Variants in PROM1 observed in about 807,000 individuals in gnomAD.
PROM1 encodes the protein prominin-1.
In PROM1, 105 loss-of-function variants were observed where a neutral mutation model predicts 116.9. That is an observed-to-expected ratio of 0.90 (90% CI 0.77 to 1.06). The LOEUF (loss-of-function observed/expected upper bound fraction) is 1.06. Ranked by LOEUF, PROM1 falls within the 50% of genes least tolerant of loss-of-function variation. The pLI, the probability that PROM1 is intolerant of heterozygous loss-of-function variation, is 0.00. For synonymous variants in PROM1, 393 were observed against 387.0 expected (o/e 1.02, Z -0.18); for missense variants, 1,122 against 1,045.2 (o/e 1.07, Z -1.01).
intron 4 of PROM1, among the ~76,000 whole-genome samples, chr4:16,035,184 A>T (rs1733685728): frequency 6.6e-6 from 1 of 152,230 alleles, no homozygotes; most frequent in Non-Finnish European, 1.5e-5. Flanking sequence ...TCGAGGACCA[A>T]TACCACTTGT....
chr4:15,988,894 G>C (rs1382919927), intron 19 of PROM1, among the ~76,000 whole-genome samples: 1 of 152,206 alleles, frequency 6.6e-6, no homozygotes, highest in African/African-American at 2.4e-5. Flanking sequence ...GGGAAGTTTA[G>C]TGGTTGGGAT....
At chr4:15,985,644 C>T in intron 22 of PROM1, 116 bp downstream of exon 22, 1 of 849,914 alleles carries the variant, frequency 1.2e-6, no homozygotes, top group African/African-American at 1.7e-5. Context: ...TGTCCTTTCA[C>T]TTACTTCCTA....
At chr4:16,033,265 C>T in intron 5 of PROM1, 39 bp downstream of exon 5, 1 of 1,537,940 alleles carries the variant, frequency 6.5e-7, no homozygotes, top group Non-Finnish European at 8.9e-7. Flanking sequence ...TCTTCATCAG[C>T]CTAAAACACA....
At chr4:15,981,504 G>A (rs921073375) in intron 23 of PROM1, among the ~76,000 whole-genome samples, 8 of 151,656 alleles carry the variant, frequency 5.3e-5, no homozygotes, top group South Asian at 2.1e-4. Flanking sequence ...CCCAGGAGGC[G>A]GAGGTTGCAG....
rs371884800 is a variant in PROM1, at chr4:15,991,205, G to A, written c.1983+17C>T. On this transcript the variant is annotated intron_variant, in intron 18 of 27. Transcript: ENST00000447510. ...TCTACAACTACTACAGTATTTAACC[G>A]GACGATTTGAACTCACCAAACTGTT... 116 of 1,593,948 alleles carry A rather than the reference G, an allele frequency of 7.3e-5. No homozygotes were observed. The African/African-American group carries it at 1.1e-3, about 15-fold the overall frequency.
At chr4:16,027,072 G>T (rs1312033630) in intron 5 of PROM1, among the ~76,000 whole-genome samples, 1 of 152,108 alleles carries the variant, frequency 6.6e-6, no homozygotes, top group Non-Finnish European at 1.5e-5. Context: ...GGATGTACAC[G>T]TTCTCTAAGA....
chr4:16,050,496 G>A (rs1281568346), intron 2 of PROM1, among the ~76,000 whole-genome samples: 1 of 152,102 alleles, frequency 6.6e-6, no homozygotes, highest in Admixed American at 6.5e-5. Flanking sequence ...TGGGACTACC[G>A]TCATGTGCCA....
At chr4:16,083,926 G>A (rs1427384962) in intron 1 of PROM1, 52 bp downstream of exon 1, 1 of 152,212 alleles carries the variant, frequency 6.6e-6, no homozygotes, top group Non-Finnish European at 1.5e-5. Flanking sequence ...TCCCGGACGG[G>A]GACCTAGGTA....
At chr4:15,995,412 A>G (rs1452473788) in intron 15 of PROM1, among the ~76,000 whole-genome samples, 1 of 152,076 alleles carries the variant, frequency 6.6e-6, no homozygotes, top group Non-Finnish European at 1.5e-5. Context: ...GAGGAGAAGA[A>G]GAGGAGGAGG....
intron 23 of PROM1, 38 bp from the exon 24 acceptor site, chr4:15,980,575 A>C: frequency 7.7e-7 from 1 of 1,300,638 alleles, no homozygotes. Flanking sequence ...ATGTTTGAAG[A>C]TAAGAAATGG....
chr4:16,077,453 A>G (rs373676099), intron 1 of PROM1, among the ~76,000 whole-genome samples: 3 of 152,178 alleles, frequency 2.0e-5, no homozygotes, highest in East Asian at 3.9e-4. Context: ...CCCAAGAATG[A>G]TCAATAAATA....
chr4:15,995,969 C>G (rs1317486905), intron 15 of PROM1, among the ~76,000 whole-genome samples: 2 of 152,194 alleles, frequency 1.3e-5, no homozygotes, highest in African/African-American at 4.8e-5. Context: ...ACCACAGGTG[C>G]TCATATAATA....
intron 19 of PROM1, 27 bp from the exon 20 acceptor site, chr4:15,987,743 A>T (rs753621479): frequency 6.3e-7 from 1 of 1,586,784 alleles, no homozygotes; most frequent in South Asian, 1.1e-5. Context: ...AATATTTCCA[A>T]AATTATTACA....
At position 16,009,109 on chromosome 4, in the gene PROM1, C is replaced by T. The variant is rs752619497; in HGVS notation, c.1142-1G>A. ...ATGGAATTCAAGACCCTTTTGATAC[C>T]TGAAAACAAAGATACCTTTGTTATG... On this transcript the variant is annotated splice_acceptor_variant, in intron 11 of 27. Transcript: ENST00000447510. LOFTEE classifies it high-confidence loss of function. 69 of 1,611,162 alleles carry T rather than the reference C, an allele frequency of 4.3e-5. No individual in the cohort carries two copies. The highest frequency in any genetic ancestry group is 5.9e-5 in the Non-Finnish European group (69 of 1,178,662).
At chr4:16,050,346 GTGTT>G (rs930094538) in intron 2 of PROM1, among the ~76,000 whole-genome samples, 6 of 152,046 alleles carry the variant, frequency 3.9e-5, no homozygotes, top group African/African-American at 9.7e-5. Flanking sequence ...CTGATACAGG[GTGTT>G]TGTTTGGTTT....
intron 23 of PROM1, among the ~76,000 whole-genome samples, chr4:15,980,946 G>GTTATTTATTTAT (rs59408018): frequency 0.16 from 23,307 of 145,088 alleles, 2,319 homozygotes; most frequent in African/African-American, 0.23. Flanking sequence ...CTTATGAGTT[G>GTTATTTATTTAT]TTATTTATTT....
intron 2 of PROM1, among the ~76,000 whole-genome samples, chr4:16,067,372 ACT>A (rs1741779079): frequency 1.3e-5 from 2 of 152,332 alleles, no homozygotes; most frequent in South Asian, 4.1e-4. Context: ...TGCCTCTGCC[ACT>A]GACCAGCTCT....
chr4:16,003,249 G>A (rs1724327958), intron 13 of PROM1: 1 of 455,812 alleles, frequency 2.2e-6, no homozygotes, highest in African/African-American at 2.0e-5. Context: ...TTCTACAGCT[G>A]GACATGTAGG....
intron 2 of PROM1, among the ~76,000 whole-genome samples, chr4:16,056,480 T>A (rs142401967): frequency 3.3e-5 from 5 of 152,262 alleles, no homozygotes; most frequent in African/African-American, 7.2e-5. Flanking sequence ...ATCAATAGTG[T>A]TCCCCTCTTC....
Sources: allele counts gnomAD v4.1 joint callset (sites outside exome capture counted in the v4.1 genomes callset), GRCh38; gene constraint gnomAD v4.1.1; transcripts MANE v1.5; gene names NCBI Gene and HGNC (gene_info 2026-07-23, HGNC 2026-07-21).